Variants in ZNF804B observed in about 807,000 individuals in gnomAD.
The protein encoded by ZNF804B is zinc finger protein 804B.
ZNF804B carries 80 observed loss-of-function variants against 101.4 expected under a neutral mutation model. That is an observed-to-expected ratio of 0.79 (90% confidence interval 0.66 to 0.95). The LOEUF is 0.95. ZNF804B is among the 40% of genes least tolerant of loss of function. The probability of loss-of-function intolerance (pLI) is 0.00; values close to 1 mark genes in which losing one functional copy is unlikely to be tolerated. For synonymous variants in ZNF804B, 622 were observed against 558.8 expected, an observed-to-expected ratio of 1.11 and a Z score of -1.59; for missense variants, 1,673 against 1,561.9, an observed-to-expected ratio of 1.07 and a Z score of -1.20.
At chr7:89,253,918 T>C (rs1172132627) in intron 2 of ZNF804B, among the ~76,000 whole-genome samples, 3 of 152,068 alleles carry the variant, frequency 2.0e-5, no homozygotes, top group Non-Finnish European at 4.4e-5. Flanking sequence ...CTACTTTAGA[T>C]GGAGGGGAAA....
In ZNF804B at chr7:89,333,984, A is replaced by G. The variant is rs1159917659; in HGVS notation, c.1002A>G (p.Val334=). 6.2e-7 allele frequency: 1 copy of G among 1,613,414 alleles called. No individual in the cohort carries two copies. The highest frequency in any genetic ancestry group is 8.5e-7 in the Non-Finnish European group (1 of 1,179,758). ...FSKSNIHLSD[V]DFTPTSREKE... is the part of the protein sequence containing the mutation. ...AATCTAACATTCATCTTTCAGATGTAGATTTTACTCCTACCAGCAGAGAAA... is the reference window on the plus strand; with the variant it reads ...AATCTAACATTCATCTTTCAGATGTGGATTTTACTCCTACCAGCAGAGAAA... Residue 334 remains valine (V), a synonymous_variant, in exon 4 of 4, where the codon GTA becomes GTG. Transcript: ENST00000333190.
At chr7:88,935,008 A>G (rs1792945137) in intron 1 of ZNF804B, among the ~76,000 whole-genome samples, 1 of 151,878 alleles carries the variant, frequency 6.6e-6, no homozygotes, top group Admixed American at 6.6e-5. Flanking sequence ...GGTAAAGAAA[A>G]GGTTATATAT....
At chr7:88,792,354 T>G (rs1790394321) in intron 1 of ZNF804B, among the ~76,000 whole-genome samples, 1 of 152,094 alleles carries the variant, frequency 6.6e-6, no homozygotes, top group Admixed American at 6.6e-5. Context: ...TATATAATTT[T>G]TATCCAAAAT....
chr7:89,183,607 C>T (rs1274680505), intron 1 of ZNF804B, among the ~76,000 whole-genome samples: 2 of 152,146 alleles, frequency 1.3e-5, no homozygotes, highest in African/African-American at 2.4e-5. Flanking sequence ...TTCCTAAGTA[C>T]ATCCACAAGT....
chr7:88,788,813 A>T lies in ZNF804B; in HGVS notation c.108+28729A>T, dbSNP rs1025091873. Among the ~76,000 whole-genome samples, 8 of 152,140 alleles carry T rather than the reference A, an allele frequency of 5.3e-5. No homozygotes were observed. In the East Asian group the frequency reaches 1.5e-3, roughly 29 times the overall value. The stretch of plus-strand genomic sequence containing the variant: ...ATTAGAGAAGTGTGCAACTAGAGTG[A>T]TCAGGGAAAGAGAAGAATGCCTTGA... On this transcript the variant is annotated intron_variant, in intron 1 of 3. Transcript: ENST00000333190.
rs3034332 is a variant in ZNF804B at position 88,967,716 on chromosome 7, C to CA, written c.108+207653dup. Among the ~76,000 whole-genome samples, 757 of 125,380 alleles carry CA rather than the reference C, an allele frequency of 6.0e-3. 4 individuals carry two copies. Among genetic ancestry groups the CA allele is most frequent in the South Asian group, 0.027 (108 of 3,998 alleles). 82.3% of individuals were successfully genotyped at this position (125,380 alleles called of 152,430 possible). Reference sequence around the variant, plus strand: ...TGAATGATGACTAGAATTGAAAAAGCAAAAAAAAAAAAAAAAAAAAATCAT... The same window carrying CA: ...TGAATGATGACTAGAATTGAAAAAGCAAAAAAAAAAAAAAAAAAAAAATCAT... On this transcript the variant is annotated intron_variant, in intron 1 of 3. Coordinates refer to ENST00000333190, the MANE Select transcript of ZNF804B (RefSeq NM_181646.5).
intron 1 of ZNF804B, among the ~76,000 whole-genome samples, chr7:88,981,426 G>A (rs1793693208): frequency 6.6e-6 from 1 of 152,034 alleles, no homozygotes; most frequent in Non-Finnish European, 1.5e-5. Context: ...TGGAAGGAAG[G>A]AATCTCTCTC....
rs553867092 is a variant in ZNF804B, at chr7:89,214,304, TAAGCTTTC to T, written c.109-3848_109-3841del. On this transcript the variant is annotated intron_variant, in intron 1 of 3. Transcript: ENST00000333190. ...TGTCATACATTTTTTTTCTGTCAGA[TAAGCTTTC>T]AAAACCTCTTCCTCTAGGCAAACTG... 5.1e-3 allele frequency among the ~76,000 whole-genome samples: 774 copies of T among 152,302 alleles called. 4 individuals carry two copies. The highest frequency in any genetic ancestry group is 8.2e-3 in the Non-Finnish European group (559 of 67,992).
chr7:88,993,724 C>T (rs548846589), intron 1 of ZNF804B, among the ~76,000 whole-genome samples: 2 of 152,002 alleles, frequency 1.3e-5, no homozygotes, highest in Non-Finnish European at 2.9e-5. Context: ...GACATAACTA[C>T]AGGATCTCAC....
At chr7:88,761,711 G>A in intron 1 of ZNF804B, among the ~76,000 whole-genome samples, 1 of 152,152 alleles carries the variant, frequency 6.6e-6, no homozygotes, top group Middle Eastern at 3.2e-3. Context: ...AAACTAAATT[G>A]GGTAGGGCAT....
chr7:88,759,862 C>G lies in ZNF804B; in HGVS notation c.-115C>G. ...TGCCACCGCCTCCCCCTGCGTCCTG[C>G]TGGCCGCGTCTTCTCGGGAGGTGGT... is the stretch of plus-strand genomic sequence containing the variant. On this transcript the variant is annotated 5_prime_UTR_variant, in exon 1 of 4. Transcript: ENST00000333190. 1 of 806,336 alleles carries G rather than the reference C, an allele frequency of 1.2e-6. No individual in the cohort carries two copies. Among genetic ancestry groups the G allele is most frequent in the Non-Finnish European group, 2.1e-6 (1 of 481,646 alleles). The allele number at this position is 806,336 out of a possible 1,614,324, so 49.9% of individuals were successfully genotyped here.
At chr7:89,096,153 TAAA>T (rs10717569) in intron 1 of ZNF804B, among the ~76,000 whole-genome samples, 418 of 136,650 alleles carry the variant, frequency 3.1e-3, no homozygotes, top group Middle Eastern at 0.011. Flanking sequence ...AGACTCCATT[TAAA>T]AAAAAAAAAA....
At chr7:89,072,539 G>T (rs1044838926) in intron 1 of ZNF804B, among the ~76,000 whole-genome samples, 1 of 152,070 alleles carries the variant, frequency 6.6e-6, no homozygotes, top group South Asian at 2.1e-4. Context: ...GAAAGTTGGG[G>T]CTACTGCCTC....
chr7:88,849,029 C>A (rs892007684), intron 1 of ZNF804B, among the ~76,000 whole-genome samples: 1 of 152,112 alleles, frequency 6.6e-6, no homozygotes, highest in Non-Finnish European at 1.5e-5. Flanking sequence ...AGCTAGGAGA[C>A]TAGTGAAGTT....
At chr7:89,101,820 A>G (rs1023745479) in intron 1 of ZNF804B, among the ~76,000 whole-genome samples, 1 of 151,940 alleles carries the variant, frequency 6.6e-6, no homozygotes, top group Admixed American at 6.6e-5. Context: ...AGTGTTGGAT[A>G]TTATACCCAA....
intron 1 of ZNF804B, among the ~76,000 whole-genome samples, chr7:89,150,514 T>G (rs1790857504): frequency 6.6e-6 from 1 of 152,132 alleles, no homozygotes; most frequent in Non-Finnish European, 1.5e-5. Context: ...TTAATTAAAT[T>G]TCTGCCCTTA....
chr7:88,926,075 T>G (rs1179789374), intron 1 of ZNF804B, among the ~76,000 whole-genome samples: 2 of 152,066 alleles, frequency 1.3e-5, no homozygotes, highest in Admixed American at 6.6e-5. Context: ...CTAGACCAAG[T>G]CATCAAGGAA....
chr7:88,850,352 A>G (rs981669602), intron 1 of ZNF804B, among the ~76,000 whole-genome samples: 2 of 152,152 alleles, frequency 1.3e-5, no homozygotes, highest in African/African-American at 4.8e-5. Context: ...AGTTTGCAGA[A>G]TAGAGTATCA....
At chr7:88,827,913 A>G (rs950360512) in intron 1 of ZNF804B, among the ~76,000 whole-genome samples, 3 of 152,148 alleles carry the variant, frequency 2.0e-5, no homozygotes, top group Non-Finnish European at 4.4e-5. Flanking sequence ...CTAGTATCAG[A>G]TACAAAAATC....
Sources: allele counts gnomAD v4.1 joint callset (sites outside exome capture counted in the v4.1 genomes callset), GRCh38; gene constraint gnomAD v4.1.1; transcripts MANE v1.5; gene names NCBI Gene and HGNC (gene_info 2026-07-23, HGNC 2026-07-21).